AKR1C8: variants seen among roughly 807,000 people sequenced by gnomAD.
The protein encoded by AKR1C8 is aldo-keto reductase family 1 member C-like protein 1.
chr10:5,184,422 A>T, the AKR1C8 span, among the ~76,000 whole-genome samples: 1 of 152,226 alleles, frequency 6.6e-6, no homozygotes, highest in East Asian at 1.9e-4. Flanking sequence ...AGACTGTAAC[A>T]GAATCGCAGT....
At chr10:5,141,413 G>A in the AKR1C8 span, among the ~76,000 whole-genome samples, 2 of 152,006 alleles carry the variant, frequency 1.3e-5, no homozygotes, top group Non-Finnish European at 2.9e-5. Context: ...TTGATATTTT[G>A]ACATTTTCTT....
At chr10:5,178,801 C>G in the AKR1C8 span, among the ~76,000 whole-genome samples, 2 of 104,116 alleles carry the variant, frequency 1.9e-5, no homozygotes, top group Non-Finnish European at 4.5e-5. Flanking sequence ...ATTGCAACCC[C>G]TGCCTTTTTT....
the AKR1C8 span, among the ~76,000 whole-genome samples, chr10:5,139,791 A>C: frequency 6.6e-6 from 1 of 152,218 alleles, no homozygotes; most frequent in Non-Finnish European, 1.5e-5. Flanking sequence ...AAAAGCCAAA[A>C]TAGACAAATG....
At chr10:5,131,811 C>G in the AKR1C8 span, among the ~76,000 whole-genome samples, 3 of 152,056 alleles carry the variant, frequency 2.0e-5, no homozygotes. Context: ...AGAAGTAGAT[C>G]TGCCATTTGA....
chr10:5,142,412 C>G, the AKR1C8 span, among the ~76,000 whole-genome samples: 1 of 152,130 alleles, frequency 6.6e-6, no homozygotes, highest in Non-Finnish European at 1.5e-5. Flanking sequence ...CACAACTTGG[C>G]TAATAATTAA....
the AKR1C8 span, among the ~76,000 whole-genome samples, chr10:5,140,047 T>G: frequency 6.6e-6 from 1 of 152,078 alleles, no homozygotes; most frequent in South Asian, 2.1e-4. Context: ...CATGAAAAAA[T>G]GCTCATCATC....
At chr10:5,129,599 T>A in the AKR1C8 span, among the ~76,000 whole-genome samples, 1 of 152,028 alleles carries the variant, frequency 6.6e-6, no homozygotes, top group Non-Finnish European at 1.5e-5. Context: ...TTACAAATGA[T>A]ATCACAGAAA....
At chr10:5,152,031 A>G in the AKR1C8 span, among the ~76,000 whole-genome samples, 1 of 152,184 alleles carries the variant, frequency 6.6e-6, no homozygotes, top group Non-Finnish European at 1.5e-5. Flanking sequence ...TGCATGACAA[A>G]GGCATTATTA....
the AKR1C8 span, among the ~76,000 whole-genome samples, chr10:5,160,371 C>G: frequency 2.7e-5 from 4 of 150,570 alleles, no homozygotes; most frequent in Admixed American, 1.3e-4. Context: ...TACCTCTGTT[C>G]TAGAATGGGA....
chr10:5,179,618 A>G, the AKR1C8 span, among the ~76,000 whole-genome samples: 4 of 146,072 alleles, frequency 2.7e-5, no homozygotes, highest in African/African-American at 5.5e-5. Context: ...AGGTACACCA[A>G]TCAGACGTAG....
the AKR1C8 span, among the ~76,000 whole-genome samples, chr10:5,174,863 T>A: frequency 1.3e-5 from 2 of 152,100 alleles, no homozygotes; most frequent in South Asian, 4.1e-4. Context: ...TGAAAAGTTA[T>A]AAAAATTTTA....
the AKR1C8 span, among the ~76,000 whole-genome samples, chr10:5,173,054 A>T: frequency 1.3e-5 from 2 of 152,158 alleles, no homozygotes; most frequent in Admixed American, 1.3e-4. Context: ...CAGGGGCTCC[A>T]TAAGGAAAAG....
the AKR1C8 span, among the ~76,000 whole-genome samples, chr10:5,181,635 T>C: frequency 1.3e-5 from 2 of 152,198 alleles, no homozygotes; most frequent in African/African-American, 4.8e-5. Flanking sequence ...CCTCAAGTTA[T>C]ATTTCAGTAA....
the AKR1C8 span, among the ~76,000 whole-genome samples, chr10:5,120,695 C>T: frequency 4.6e-5 from 7 of 151,958 alleles, no homozygotes; most frequent in African/African-American, 1.7e-4. Context: ...CATTTTTGTT[C>T]GTTCAAAAAT....
the AKR1C8 span, among the ~76,000 whole-genome samples, chr10:5,136,700 A>C: frequency 1.3e-5 from 2 of 152,236 alleles, no homozygotes; most frequent in Non-Finnish European, 1.5e-5. Flanking sequence ...GACAATTTGC[A>C]GAATGGGTTT....
the AKR1C8 span, among the ~76,000 whole-genome samples, chr10:5,176,961 C>A: frequency 3.8e-4 from 58 of 152,056 alleles, 1 homozygote; most frequent in Non-Finnish European, 2.8e-4. Flanking sequence ...CAATTGAATA[C>A]CCTTTATTTC....
chr10:5,182,781 G>C, the AKR1C8 span, among the ~76,000 whole-genome samples: 1 of 151,900 alleles, frequency 6.6e-6, no homozygotes, highest in East Asian at 1.9e-4. Context: ...GTGGCAGCAT[G>C]CACCTGTAGT....
the AKR1C8 span, chr10:5,161,620 G>A: frequency 1.2e-5 from 6 of 511,824 alleles, no homozygotes; most frequent in Admixed American, 1.2e-4. Flanking sequence ...GAGGAAGTGA[G>A]ATCATTGAAT....
chr10:5,170,814 A>C, the AKR1C8 span, among the ~76,000 whole-genome samples: 2 of 152,148 alleles, frequency 1.3e-5, no homozygotes, highest in Non-Finnish European at 2.9e-5. Context: ...GTTACAAAAC[A>C]AAAACAGATT....
Sources: gnomAD v4.1 joint callset for allele counts (sites outside exome capture counted in the v4.1 genomes callset) on GRCh38, gnomAD v4.1.1 for gene constraint, MANE v1.5 for transcripts, NCBI Gene and HGNC (gene_info 2026-07-23, HGNC 2026-07-21) for gene names.